Variants in IL10RB observed in about 807,000 individuals in gnomAD.
IL10RB encodes the protein interleukin 10 receptor subunit beta, also known as interleukin-10 receptor subunit beta.
A neutral mutation model predicts 38.7 loss-of-function variants in IL10RB; 30 were observed. The observed-to-expected ratio is 0.78, with a 90% CI of 0.58 to 1.05. The LOEUF (loss-of-function observed/expected upper bound fraction) is 1.05, where lower values mean the gene tolerates loss of function less well. Ranked by LOEUF, IL10RB falls within the 50% of genes least tolerant of loss-of-function variation. The pLI, the probability that IL10RB is intolerant of heterozygous loss-of-function variation, is 0.00. For missense variants in IL10RB, 328 were observed against 397.1 expected (o/e 0.83, Z 1.48); for synonymous variants, 142 against 145.9 (o/e 0.97, Z 0.19).
rs184365370 is a variant in IL10RB, at chr21:33,283,042, G to A, written c.499-52G>A. On this transcript the variant is annotated intron_variant, in intron 4 of 6. Transcript: ENST00000290200. ...ACTGATAAATGTGAAAAAAAAAAAG[G>A]TGGTGCCCTTCCACTGCTTAGTCAT... 2.0e-3 allele frequency: 2,800 copies of A among 1,413,194 alleles called. 8 individuals carry two copies. Among genetic ancestry groups the A allele is most frequent in the Non-Finnish European group, 2.0e-3 (2,038 of 999,602 alleles). The allele number at this position is 1,413,194 out of a possible 1,614,324, so 87.5% of individuals were successfully genotyped here.
rs1025998968 is a variant in IL10RB, at chr21:33,295,297, C to T, written c.805-887C>T. On this transcript the variant is annotated intron_variant, in intron 6 of 6. Transcript: ENST00000290200. ...GGCGTGAACCCGAGAGGTGGAGGTT[C>T]CAGTGAGCTGAGATCGCACCACTGC... Among the ~76,000 whole-genome samples the T allele has an allele frequency of 2.9e-5, 4 of 137,862 alleles. No individual in the cohort carries two copies. In the East Asian group the frequency reaches 8.6e-4, roughly 30 times the overall value. The allele number at this position is 137,862 out of a possible 152,430, so 90.4% of individuals were successfully genotyped here.
chr21:33,266,389 C>T lies in IL10RB; in HGVS notation c.-77C>T, dbSNP rs1988939675. On this transcript the variant is annotated 5_prime_UTR_variant, in exon 1 of 7. Transcript: ENST00000290200. ...CCCATCTCCGCTGGTTCCCGGAAGC[C>T]GCCGCGGACAAGCTCTCCCGGGCGC... The T allele has an allele frequency of 3.4e-6, 5 of 1,492,024 alleles. No individual in the cohort carries two copies. The highest frequency in any genetic ancestry group is 2.0e-5 in the Admixed American group (1 of 50,268). 92.4% of individuals were successfully genotyped at this position (1,492,024 alleles called of 1,614,324 possible). A position where few individuals can be genotyped will look rare whatever the true frequency, so the allele number is the denominator to read the frequency against.
At chr21:33,279,989 G>A (rs1287016567) in intron 4 of IL10RB, 71 bp downstream of exon 4, 1 of 1,344,852 alleles carries the variant, frequency 7.4e-7, no homozygotes, top group Non-Finnish European at 1.1e-6. Flanking sequence ...CAAGGTGGCA[G>A]CACCTTATGG....
chr21:33,288,608 G>A (rs1989425882), intron 6 of IL10RB, among the ~76,000 whole-genome samples: 1 of 152,166 alleles, frequency 6.6e-6, no homozygotes, highest in African/African-American at 2.4e-5. Context: ...ACAGAGCTCA[G>A]TGTGGAAGAA....
At chr21:33,280,893 A>G (rs927779997) in intron 4 of IL10RB, among the ~76,000 whole-genome samples, 1 of 152,204 alleles carries the variant, frequency 6.6e-6, no homozygotes, top group Admixed American at 6.5e-5. Flanking sequence ...TCCCCAAAAA[A>G]TGTTCCATTA....
chr21:33,291,317 G>A (rs1989482810), intron 6 of IL10RB, among the ~76,000 whole-genome samples: 1 of 152,006 alleles, frequency 6.6e-6, no homozygotes, highest in Non-Finnish European at 1.5e-5. Flanking sequence ...CCAGGCTGGA[G>A]TGGAGTGGCA....
intron 2 of IL10RB, among the ~76,000 whole-genome samples, chr21:33,273,276 A>C (rs1418678324): frequency 6.6e-6 from 1 of 152,230 alleles, no homozygotes; most frequent in Non-Finnish European, 1.5e-5. Context: ...TTGGTTCCAG[A>C]CTAACACAAT....
At chr21:33,287,645 G>T (rs1226165527) in intron 5 of IL10RB, among the ~76,000 whole-genome samples, 2 of 152,068 alleles carry the variant, frequency 1.3e-5, no homozygotes, top group African/African-American at 4.8e-5. Context: ...GGGGTTACAG[G>T]TGTGAGCCAC....
intron 1 of IL10RB, among the ~76,000 whole-genome samples, chr21:33,307,585 A>G (rs1406946501): frequency 6.6e-6 from 1 of 152,070 alleles, no homozygotes; most frequent in Admixed American, 6.5e-5. Flanking sequence ...GCCTTTTTGC[A>G]TATAGGGCCC....
At chr21:33,306,878 T>C (rs960713459) in intron 1 of IL10RB, among the ~76,000 whole-genome samples, 3 of 152,122 alleles carry the variant, frequency 2.0e-5, no homozygotes, top group Non-Finnish European at 4.4e-5. Flanking sequence ...TTCCCTTCAG[T>C]GTGTAAAAAT....
rs1360523173 is a variant in IL10RB, at chr21:33,296,566, A to G, written c.*209A>G. On this transcript the variant is annotated 3_prime_UTR_variant, in exon 7 of 7. Coordinates refer to ENST00000290200, the MANE Select transcript of IL10RB (RefSeq NM_000628.5). ...ACTCCATTTGGGAACTCACTGCCTT[A>G]TAAAGGCTTTCATGATGTTTTCAGA... 1.5e-6 allele frequency: 1 copy of G among 686,592 alleles called. No individual in the cohort carries two copies. The highest frequency in any genetic ancestry group is 2.7e-6 in the Non-Finnish European group (1 of 376,000). The allele number at this position is 686,592 out of a possible 1,614,324, so 42.5% of individuals were successfully genotyped here.
At chr21:33,297,545 C>A (rs901994882), downstream of IL10RB, among the ~76,000 whole-genome samples, 3 of 152,106 alleles carry the variant, frequency 2.0e-5, no homozygotes, top group Non-Finnish European at 4.4e-5. Context: ...TCTCCAGGTA[C>A]AATGGCTCAC....
At chr21:33,286,727 C>T (rs367976920) in intron 5 of IL10RB, among the ~76,000 whole-genome samples, 14 of 152,132 alleles carry the variant, frequency 9.2e-5, no homozygotes, top group African/African-American at 3.4e-4. Flanking sequence ...GTGACACATG[C>T]CTGTCGTCCC....
chr21:33,294,862 A>G (rs1373840375), intron 6 of IL10RB, among the ~76,000 whole-genome samples: 1 of 152,234 alleles, frequency 6.6e-6, no homozygotes, highest in Non-Finnish European at 1.5e-5. Flanking sequence ...CAGAGATTTC[A>G]GGAAATGTAT....
chr21:33,309,694 C>T (rs1189319480), exon 2 of IL10RB: 1 of 152,200 alleles, frequency 6.6e-6, no homozygotes, highest in Non-Finnish European at 1.5e-5. Flanking sequence ...ACATTGCTTT[C>T]GTGTATTGCT....
chr21:33,276,515 C>CT (rs1353766593), intron 2 of IL10RB, 81 bp from the exon 3 acceptor site: 7 of 1,121,100 alleles, frequency 6.2e-6, no homozygotes, highest in Middle Eastern at 2.1e-4. Flanking sequence ...CGCCGCCCCC[C>CT]CCTCCAAATT....
chr21:33,283,071 C>T, intron 4 of IL10RB, 23 bp from the exon 5 acceptor site: 1 of 1,598,110 alleles, frequency 6.3e-7, no homozygotes. Flanking sequence ...TAGTCATGTT[C>T]TTATTTTTGT....
Position 33,267,490 on chromosome 21 carries a change from T to G in IL10RB, c.50-904T>G, listed in dbSNP as rs558586631. Among the ~76,000 whole-genome samples, 85 of 148,024 alleles carry G rather than the reference T, an allele frequency of 5.7e-4. 1 individual carries two copies. Among genetic ancestry groups the G allele is most frequent in the African/African-American group, 1.2e-3 (46 of 39,648 alleles). ...TCTTTCTTTCTTCTTCCGTTTTTTT[T>G]TTTGTTTGTTTGTTTTTTTGTTTTT... On this transcript the variant is annotated intron_variant, in intron 1 of 6. Transcript: ENST00000290200.
At chr21:33,286,257 A>G (rs899904369) in intron 5 of IL10RB, among the ~76,000 whole-genome samples, 5 of 152,226 alleles carry the variant, frequency 3.3e-5, no homozygotes, top group African/African-American at 1.2e-4. Context: ...CTCCAGGGTC[A>G]TGTGCTGTGT....
Sources: gnomAD v4.1 joint callset for allele counts (sites outside exome capture counted in the v4.1 genomes callset) on GRCh38, gnomAD v4.1.1 for gene constraint, MANE v1.5 for transcripts, NCBI Gene and HGNC (gene_info 2026-07-23, HGNC 2026-07-21) for gene names.